Variants in HDLBP observed in about 807,000 individuals in gnomAD.
HDLBP encodes the protein vigilin.
A neutral mutation model predicts 137.3 loss-of-function variants in HDLBP; 30 were observed. The ratio of observed to expected loss-of-function variants is 0.22; its 90% CI spans 0.16 to 0.30. HDLBP has a LOEUF of 0.30. Ranked by LOEUF, HDLBP falls within the 10% of genes least tolerant of loss-of-function variation. The probability of loss-of-function intolerance (pLI) is 1.00; values close to 1 mark genes in which losing one functional copy is unlikely to be tolerated. For synonymous variants in HDLBP, 606 were observed against 596.0 expected, an observed-to-expected ratio of 1.02 and a Z score of -0.24; for missense variants, 1,119 against 1,667.3, an observed-to-expected ratio of 0.67 and a Z score of 5.73.
chr2:241,242,154 T>G (rs1649524572), intron 17 of HDLBP, among the ~76,000 whole-genome samples: 2 of 152,212 alleles, frequency 1.3e-5, no homozygotes, highest in Admixed American at 6.5e-5. Context: ...CATGACTGCA[T>G]GTTACTTAAA....
intron 1 of HDLBP, among the ~76,000 whole-genome samples, chr2:241,287,416 CTTTCT>C (rs1420537752): frequency 6.4e-5 from 9 of 140,488 alleles, no homozygotes; most frequent in Non-Finnish European, 1.2e-4. Context: ...CTATTTCTTT[CTTTCT>C]TTTTTTTTTT....
chr2:241,248,413 A>G, intron 12 of HDLBP, 65 bp from the exon 13 acceptor site: 1 of 1,281,834 alleles, frequency 7.8e-7, no homozygotes, highest in Non-Finnish European at 1.1e-6. Context: ...CCACTGACAC[A>G]AGGGGACACC....
intron 3 of HDLBP, among the ~76,000 whole-genome samples, chr2:241,265,843 A>T (rs544437844): frequency 1.1e-4 from 16 of 152,286 alleles, no homozygotes; most frequent in African/African-American, 3.8e-4. Context: ...AGGGAAACAC[A>T]GACTTCACAG....
At chr2:241,248,164 A>G (rs979693186) in intron 13 of HDLBP, 48 bp from the exon 14 acceptor site, 11 of 1,547,678 alleles carry the variant, frequency 7.1e-6, no homozygotes, top group Non-Finnish European at 8.0e-6. Flanking sequence ...GGAAGGACAT[A>G]TATCCCAAAT....
chr2:241,230,946 TAA>T lies in HDLBP; in HGVS notation c.3289-4_3289-3del. ...TGTGATGGTAATTTGGTCCTGGGGC[TAA>T]AAAAGGAGAATGTAGTCAGAAAAGG... On this transcript the variant is annotated splice_polypyrimidine_tract_variant and splice_region_variant and intron_variant, in intron 24 of 27. Transcript: ENST00000310931. The surrounding 1 kb of genome is among the most constrained non-coding windows in gnomAD (Gnocchi z 5.0). 6.2e-7 allele frequency: 1 copy of T among 1,611,270 alleles called. No homozygotes were observed. The highest frequency in any genetic ancestry group is 8.5e-7 in the Non-Finnish European group (1 of 1,177,702).
chr2:241,243,145 A>G (rs574014470), intron 16 of HDLBP, among the ~76,000 whole-genome samples: 8 of 152,320 alleles, frequency 5.3e-5, no homozygotes, highest in African/African-American at 1.9e-4. Flanking sequence ...CCTAATGGTG[A>G]CTTTCAAGAC....
chr2:241,237,834 A>T (rs1020482811), intron 20 of HDLBP, among the ~76,000 whole-genome samples: 4 of 152,242 alleles, frequency 2.6e-5, no homozygotes, highest in Non-Finnish European at 5.9e-5. Flanking sequence ...TAACCACTGA[A>T]GTGTAAAACA....
At chr2:241,288,083 C>T (rs2074890721) in intron 1 of HDLBP, among the ~76,000 whole-genome samples, 1 of 152,164 alleles carries the variant, frequency 6.6e-6, no homozygotes, top group African/African-American at 2.4e-5. Flanking sequence ...ATATGAGGCT[C>T]TTTACTTTTC....
At chr2:241,251,834 G>C (rs1393459879) in intron 11 of HDLBP, among the ~76,000 whole-genome samples, 1 of 152,112 alleles carries the variant, frequency 6.6e-6, no homozygotes, top group Non-Finnish European at 1.5e-5. Flanking sequence ...AAAATTAGCT[G>C]GGTGTGGTGG....
intron 4 of HDLBP, 49 bp downstream of exon 4, chr2:241,264,399 T>C (rs747437385): frequency 8.6e-6 from 11 of 1,283,174 alleles, no homozygotes; most frequent in Non-Finnish European, 1.1e-5. Context: ...AAAATTTACA[T>C]AGACATGTTA....
At chr2:241,259,293 G>T (rs936295700) in intron 5 of HDLBP, among the ~76,000 whole-genome samples, 3 of 152,190 alleles carry the variant, frequency 2.0e-5, no homozygotes, top group Non-Finnish European at 2.9e-5. Flanking sequence ...AGGAATGGCC[G>T]CCTGCAAAGG....
intron 1 of HDLBP, among the ~76,000 whole-genome samples, chr2:241,312,972 G>C (rs1230090952): frequency 6.6e-6 from 1 of 152,176 alleles, no homozygotes; most frequent in African/African-American, 2.4e-5. Flanking sequence ...CATGGCAAGA[G>C]TATACCAAAT....
chr2:241,239,910 G>C lies in HDLBP; in HGVS notation c.2382C>G (p.Ile794Met). The change falls in exon 18 of 28, where the codon ATC becomes ATG. Residue 794 changes from isoleucine to methionine, a missense_variant. Physicochemically the swap from Ile to Met is conservative, Grantham distance 10. Coordinates refer to ENST00000310931, the MANE Select transcript of HDLBP (RefSeq NM_005336.6). This position sits in a 1 kb window ranked among gnomAD's most constrained non-coding sequence, Gnocchi z 4.6. ...GAGGCCCGCTCCCTACCAGGTTTTG[G>C]ATCAAGGCCTCCAGCTCCTTCTGTG... is the stretch of plus-strand genomic sequence containing the variant. Reference protein sequence around the residue: ...REAQKELEALIQNLDNVVEDS... With the variant: ...REAQKELEALMQNLDNVVEDS... The C allele has an allele frequency of 6.2e-7, 1 of 1,614,058 alleles. No homozygotes were observed. Among genetic ancestry groups the C allele is most frequent in the Non-Finnish European group, 8.5e-7 (1 of 1,179,966 alleles).
rs1381495757 is a variant in HDLBP at position 241,247,343 on chromosome 2, C to T, written c.1732-201G>A. ...CGTTGCAAATTACAGTCAATCGATG[C>T]AAGTCTACTTTTTGGCTAAGAGAGA... On this transcript the variant is annotated intron_variant, in intron 14 of 27. Coordinates refer to ENST00000310931, the MANE Select transcript of HDLBP (RefSeq NM_005336.6). 3 of 587,316 alleles carry T rather than the reference C, an allele frequency of 5.1e-6. No homozygotes were observed. The East Asian group carries it at 8.7e-5, about 17-fold the overall frequency. The allele number at this position is 587,316 out of a possible 1,614,324, so 36.4% of individuals were successfully genotyped here. A position where few individuals can be genotyped will look rare whatever the true frequency, so the allele number is the denominator to read the frequency against.
rs1163610737 is a variant in HDLBP, at chr2:241,256,168, C to T, written c.873+16G>A. 4 of 1,608,142 alleles carry T rather than the reference C, an allele frequency of 2.5e-6. No homozygotes were observed. Among genetic ancestry groups the T allele is most frequent in the Middle Eastern group, 1.6e-4 (1 of 6,074 alleles). ...TATTCCTGCCCATGGGGATTTGCCT[C>T]CTCTAAATCGTGTACCTTCTCCTCA... On this transcript the variant is annotated intron_variant, in intron 7 of 27. Transcript: ENST00000310931.
rs536828748 is a variant in HDLBP at position 241,268,164 on chromosome 2, AAAGTT to A, written c.-38+308_-38+312del. 5.3e-5 allele frequency among the ~76,000 whole-genome samples: 8 copies of A among 152,372 alleles called. No homozygotes were observed. The South Asian group carries it at 1.2e-3, about 24-fold the overall frequency. On this transcript the variant is annotated intron_variant, in intron 2 of 27. Coordinates refer to ENST00000310931, the MANE Select transcript of HDLBP (RefSeq NM_005336.6). ...TTAAGACCTCTCCCCAAGTTGAAGA[AAAGTT>A]AAGGCCTGCAATCCTAAAGAGAAGC...
intron 5 of HDLBP, among the ~76,000 whole-genome samples, chr2:241,258,050 C>T (rs1444456738): frequency 6.6e-6 from 1 of 152,054 alleles, no homozygotes; most frequent in African/African-American, 2.4e-5. Flanking sequence ...GCCCAGGAGT[C>T]CAAGATCAGC....
At chr2:241,300,159 A>ACAG (rs1211870973) in intron 1 of HDLBP, among the ~76,000 whole-genome samples, 1 of 152,166 alleles carries the variant, frequency 6.6e-6, no homozygotes, top group African/African-American at 2.4e-5. Context: ...CTAGATATGC[A>ACAG]CAGCAGCACA....
chr2:241,246,886 A>G lies in HDLBP; in HGVS notation c.1819-3T>C. On this transcript the variant is annotated splice_polypyrimidine_tract_variant and splice_region_variant and intron_variant, in intron 15 of 27. Coordinates refer to ENST00000310931, the MANE Select transcript of HDLBP (RefSeq NM_005336.6). ...TTGGTGTTGCTTTCTTCACGAATCT[A>G]CAGGGAGAGAGATCACCATGAGAAG... 1 of 1,614,090 alleles carries G rather than the reference A, an allele frequency of 6.2e-7. No homozygotes were observed. The highest frequency in any genetic ancestry group is 2.2e-5 in the East Asian group (1 of 44,888).
Sources: allele counts gnomAD v4.1 joint callset (sites outside exome capture counted in the v4.1 genomes callset), GRCh38; gene constraint gnomAD v4.1.1; non-coding constraint Gnocchi (gnomAD v3.1); transcripts MANE v1.5; gene names NCBI Gene and HGNC (gene_info 2026-07-23, HGNC 2026-07-21).